The following ENTPD1 variants were observed in gnomAD, a reference collection of about 807,000 sequenced individuals.
The protein encoded by ENTPD1 is ectonucleoside triphosphate diphosphohydrolase 1, also known as ATP diphosphohydrolase.
In ENTPD1, 33 loss-of-function variants were observed where a neutral mutation model predicts 57.0. That is an observed-to-expected ratio of 0.58 (90% CI 0.44 to 0.77). The LOEUF is 0.77. ENTPD1 is among the 30% of genes least tolerant of loss of function. The pLI is 0.00. For synonymous variants in ENTPD1, 202 were observed against 218.8 expected, an observed-to-expected ratio of 0.92 and a Z score of 0.68; for missense variants, 501 against 603.4, an observed-to-expected ratio of 0.83 and a Z score of 1.78.
chr10:95,848,357 C>G (rs7088961), intron 7 of ENTPD1, among the ~76,000 whole-genome samples: 81,173 of 151,788 alleles, frequency 0.53, 22,163 homozygotes, highest in Admixed American at 0.63. Flanking sequence ...TTCCAGTGTA[C>G]AAATTGTGAG....
chr10:95,855,615 CT>C (rs1566243915), intron 7 of ENTPD1, among the ~76,000 whole-genome samples: 1 of 152,082 alleles, frequency 6.6e-6, no homozygotes, highest in Admixed American at 6.5e-5. Flanking sequence ...TTCAGGAGCT[CT>C]TTTAGGGCAG....
chr10:95,721,186 C>T (rs1204717122), intron 1 of ENTPD1, among the ~76,000 whole-genome samples: 2 of 152,218 alleles, frequency 1.3e-5, no homozygotes, highest in African/African-American at 4.8e-5. Flanking sequence ...TTCTTCCTTT[C>T]CCTGTGTTAT....
intron 1 of ENTPD1, among the ~76,000 whole-genome samples, chr10:95,716,917 C>A (rs2097972165): frequency 6.6e-6 from 1 of 152,204 alleles, no homozygotes; most frequent in South Asian, 2.1e-4. Context: ...AGTCAACTAG[C>A]TGGTCAAGGT....
Position 95,866,509 on chromosome 10 carries a change from T to C in ENTPD1, c.*126T>C. The stretch of plus-strand genomic sequence containing the variant: ...GGGCCAGTCTTGACGAGTGTGAAGC[T>C]TCCTTGGCTTTTACTGAAGCCTTTC... On this transcript the variant is annotated 3_prime_UTR_variant, in exon 10 of 10. Transcript: ENST00000371205. 6.5e-7 allele frequency: 1 copy of C among 1,535,010 alleles called. No homozygotes were observed. Among genetic ancestry groups the C allele is most frequent in the Non-Finnish European group, 8.8e-7 (1 of 1,142,442 alleles).
chr10:95,873,946 C>G lies in ENTPD1; in HGVS notation c.*7563C>G, dbSNP rs2141035124. ...GAATAGCACAGAAAAGACTGGCCTC[C>G]ATGATTCAATTACCTCCCACTGCGT... On this transcript the variant is annotated 3_prime_UTR_variant, in exon 10 of 10. Transcript: ENST00000371205. 6.6e-6 allele frequency among the ~76,000 whole-genome samples: 1 copy of G among 152,316 alleles called. No individual in the cohort carries two copies. Among genetic ancestry groups the G allele is most frequent in the South Asian group, 2.1e-4 (1 of 4,830 alleles).
intron 1 of ENTPD1, among the ~76,000 whole-genome samples, chr10:95,735,074 C>G (rs2097993214): frequency 6.8e-6 from 1 of 147,626 alleles, no homozygotes; most frequent in South Asian, 2.1e-4. Flanking sequence ...CTGTCTTGCC[C>G]AGGCTGGAGT....
At position 95,864,765 on chromosome 10, in the gene ENTPD1, T is replaced by G; in HGVS notation, c.1230T>G (p.Ser410Arg). The G allele has an allele frequency of 6.2e-6, 10 of 1,614,058 alleles. No individual in the cohort carries two copies. The highest frequency in any genetic ancestry group is 8.5e-6 in the Non-Finnish European group (10 of 1,180,002). Reference protein sequence around the residue: ...SYAGVKEKYLSEYCFSGTYIL... With the variant: ...SYAGVKEKYLREYCFSGTYIL... ...CTGGAGTAAAGGAGAAGTACCTGAGTGAATACTGCTTTTCTGGTACCTACA... is the reference window on the plus strand; with the variant it reads ...CTGGAGTAAAGGAGAAGTACCTGAGGGAATACTGCTTTTCTGGTACCTACA... Residue 410 changes from serine to arginine, a missense_variant, in exon 9 of 10, where the codon AGT (serine) becomes AGG (arginine). Transcript: ENST00000371205.
Position 95,842,453 on chromosome 10 carries a change from A to G in ENTPD1, c.372A>G (p.Thr124=), listed in dbSNP as rs755831938. 3 of 1,614,064 alleles carry G rather than the reference A, an allele frequency of 1.9e-6. No homozygotes were observed. Among genetic ancestry groups the G allele is most frequent in the Non-Finnish European group, 2.5e-6 (3 of 1,180,002 alleles). The change falls in exon 4 of 10, where the codon ACA becomes ACG. Residue 124 remains threonine, a synonymous_variant. Transcript: ENST00000371205. The stretch of plus-strand genomic sequence containing the variant: ...TTCCAAGGTCCCAGCACCAAGAGAC[A>G]CCCGTTTACCTGGGAGCCACGGCAG... ...EVIPRSQHQE[T]PVYLGATAGM...
At chr10:95,779,515 T>G (rs968239938) in intron 1 of ENTPD1, among the ~76,000 whole-genome samples, 3 of 152,192 alleles carry the variant, frequency 2.0e-5, no homozygotes, top group African/African-American at 7.2e-5. Context: ...TGGAGTTGGC[T>G]TAGTTTCAAT....
upstream of ENTPD1, chr10:95,755,916 A>G (rs1290097717): frequency 2.7e-6 from 4 of 1,499,526 alleles, no homozygotes; most frequent in Non-Finnish European, 3.5e-6. Flanking sequence ...TAAGGGAGAG[A>G]GGGAAGAAGG....
chr10:95,723,484 A>C (rs1013770064), intron 1 of ENTPD1, among the ~76,000 whole-genome samples: 1 of 152,178 alleles, frequency 6.6e-6, no homozygotes, highest in African/African-American at 2.4e-5. Context: ...TAGGGGCCTA[A>C]GGATGCAGTG....
At position 95,875,864 on chromosome 10, in the gene ENTPD1, G is replaced by C; in HGVS notation, c.*9481G>C. 1 of 442,412 alleles carries C rather than the reference G, an allele frequency of 2.3e-6. No homozygotes were observed. The highest frequency in any genetic ancestry group is 9.6e-5 in the South Asian group (1 of 10,424). 27.4% of individuals were successfully genotyped at this position (442,412 alleles called of 1,614,324 possible). ...ACTATCACAAGAATAGCATGGGAAA[G>C]ACCAGCCCCCTTGATTCAATTACCT... On this transcript the variant is annotated 3_prime_UTR_variant, in exon 10 of 10. Transcript: ENST00000371205.
In ENTPD1 at chr10:95,839,712, G is replaced by T. The variant is rs750188357; in HGVS notation, c.166G>T (p.Gly56Cys). Reference protein sequence around the residue: ...NVKYGIVLDAGSSHTSLYIYK... With the variant: ...NVKYGIVLDACSSHTSLYIYK... ...TCAGTATGGGATTGTGCTGGATGCG[G>T]GTTCTTCTCACACAAGTTTATACAT... is the stretch of plus-strand genomic sequence containing the variant. Residue 56 changes from glycine (G) to cysteine (C), a missense_variant, in exon 3 of 10, where the codon GGT (glycine) becomes TGT (cysteine). Physicochemically the swap from Gly to Cys is radical, Grantham distance 159. Transcript: ENST00000371205. 3.1e-6 allele frequency: 5 copies of T among 1,613,978 alleles called. No individual in the cohort carries two copies. Among genetic ancestry groups the T allele is most frequent in the Non-Finnish European group, 4.2e-6 (5 of 1,180,010 alleles).
At chr10:95,762,390 GTTT>G (rs5787157) in intron 1 of ENTPD1, among the ~76,000 whole-genome samples, 3 of 134,636 alleles carry the variant, frequency 2.2e-5, no homozygotes, top group Non-Finnish European at 3.2e-5. Flanking sequence ...TTTCCTGGCA[GTTT>G]TTTTTTTTTT....
At position 95,873,115 on chromosome 10, in the gene ENTPD1, AT is replaced by A; in HGVS notation, c.*6735del. ...TCTGGGGTGAGGCCTGAGGTTTTAC[AT>A]TTCCAACAAGCTGCCAGGTAAAGCC... On this transcript the variant is annotated 3_prime_UTR_variant, in exon 10 of 10. Transcript: ENST00000371205. 1.0e-6 allele frequency: 1 copy of A among 970,034 alleles called. No individual in the cohort carries two copies. Among genetic ancestry groups the A allele is most frequent in the Non-Finnish European group, 1.2e-6 (1 of 815,976 alleles). The allele number at this position is 970,034 out of a possible 1,614,324, so 60.1% of individuals were successfully genotyped here. A position where few individuals can be genotyped will look rare whatever the true frequency, so the allele number is the denominator to read the frequency against.
chr10:95,745,832 C>T (rs1213981465), intron 1 of ENTPD1, among the ~76,000 whole-genome samples: 1 of 152,146 alleles, frequency 6.6e-6, no homozygotes, highest in Non-Finnish European at 1.5e-5. Context: ...CTCCTGCTGC[C>T]ACGTTGGGTT....
intron 1 of ENTPD1, among the ~76,000 whole-genome samples, chr10:95,813,604 G>A (rs10882670): frequency 0.16 from 24,204 of 152,026 alleles, 2,492 homozygotes; most frequent in African/African-American, 0.28. Flanking sequence ...GCAAGGGAGA[G>A]GGTCTGAGCC....
intron 7 of ENTPD1, among the ~76,000 whole-genome samples, chr10:95,855,375 C>G (rs1327487983): frequency 6.6e-6 from 1 of 151,774 alleles, no homozygotes; most frequent in East Asian, 1.9e-4. Context: ...ACTGATGGGT[C>G]TTGACTCTTT....
chr10:95,826,574 A>ACTC (rs2098377855), intron 2 of ENTPD1, among the ~76,000 whole-genome samples: 10 of 31,804 alleles, frequency 3.1e-4, no homozygotes, highest in African/African-American at 1.3e-3. Context: ...GCCAACTCAA[A>ACTC]AAAAAAAAAA....
Sources: gnomAD v4.1 joint callset for allele counts (sites outside exome capture counted in the v4.1 genomes callset) on GRCh38, gnomAD v4.1.1 for gene constraint, MANE v1.5 for transcripts, NCBI Gene and HGNC (gene_info 2026-07-23, HGNC 2026-07-21) for gene names.